The following GUCY1A2 variants were observed in gnomAD, a reference collection of about 807,000 sequenced individuals.
The protein encoded by GUCY1A2 is guanylate cyclase 1 soluble subunit alpha 2, also known as guanylate cyclase soluble subunit alpha-2.
In GUCY1A2, 27 loss-of-function variants were observed where a neutral mutation model predicts 63.5. That is an observed-to-expected ratio of 0.43 (90% CI 0.31 to 0.59). The LOEUF (loss-of-function observed/expected upper bound fraction) is 0.59. Ranked by LOEUF, GUCY1A2 falls within the 20% of genes least tolerant of loss-of-function variation. The probability of loss-of-function intolerance (pLI) is 0.11; values close to 1 mark genes in which losing one functional copy is unlikely to be tolerated. For missense variants in GUCY1A2, 768 were observed against 913.3 expected (o/e 0.84, Z 2.05); for synonymous variants, 364 against 343.5 (o/e 1.06, Z -0.66).
intron 5 of GUCY1A2, among the ~76,000 whole-genome samples, chr11:106,781,024 G>C (rs1027948820): frequency 2.8e-5 from 4 of 144,956 alleles, no homozygotes. Flanking sequence ...CAGGAAAAGT[G>C]AAAGTGTCAT....
Position 107,017,733 on chromosome 11 carries a change from C to A in GUCY1A2, c.303+20G>T. 1 of 1,353,222 alleles carries A rather than the reference C, an allele frequency of 7.4e-7. No individual in the cohort carries two copies. The highest frequency in any genetic ancestry group is 1.7e-5 in the South Asian group (1 of 58,908). The allele number at this position is 1,353,222 out of a possible 1,614,324, so 83.8% of individuals were successfully genotyped here. ...CGTTCTCTCCCCCGAAGGCGGTCCC[C>A]CCTTCCGCCCCCCGCTCACCGAGGG... On this transcript the variant is annotated intron_variant, in intron 1 of 7. Coordinates refer to ENST00000526355, the MANE Select transcript of GUCY1A2 (RefSeq NM_000855.3).
chr11:106,821,462 C>A (rs536184926), intron 4 of GUCY1A2, among the ~76,000 whole-genome samples: 2 of 152,264 alleles, frequency 1.3e-5, no homozygotes, highest in Admixed American at 1.3e-4. Context: ...TTAGCCTGAA[C>A]CCCTGGGGTG....
chr11:106,805,699 G>A (rs907205839), intron 5 of GUCY1A2, among the ~76,000 whole-genome samples: 4 of 152,178 alleles, frequency 2.6e-5, no homozygotes, highest in African/African-American at 9.6e-5. Context: ...CTTTCCATAG[G>A]AGGAATGAAG....
chr11:106,777,560 C>T (rs915920186), intron 5 of GUCY1A2, among the ~76,000 whole-genome samples: 19 of 151,380 alleles, frequency 1.3e-4, no homozygotes, highest in African/African-American at 4.6e-4. Context: ...AGCCATTGTT[C>T]TCAGCAAACT....
intron 7 of GUCY1A2, among the ~76,000 whole-genome samples, chr11:106,700,106 C>A (rs2135342888): frequency 6.6e-6 from 1 of 152,228 alleles, no homozygotes; most frequent in East Asian, 1.9e-4. Flanking sequence ...AAACAACCAA[C>A]CACTTTTGCA....
At position 106,682,166 on chromosome 11, in the gene GUCY1A2, A is replaced by G. The variant is rs1862443438; in HGVS notation, c.*5383T>C. ...TAAGTTTGAAGATTCATGCTCAGAAAGAAGACCACAAATTGGAAATCAAAG... is the reference window on the plus strand; with the variant it reads ...TAAGTTTGAAGATTCATGCTCAGAAGGAAGACCACAAATTGGAAATCAAAG... On this transcript the variant is annotated 3_prime_UTR_variant, in exon 8 of 8. Transcript: ENST00000526355. 2 of 210,776 alleles carry G rather than the reference A, an allele frequency of 9.5e-6. No individual in the cohort carries two copies. Among genetic ancestry groups the G allele is most frequent in the African/African-American group, 4.6e-5 (2 of 43,248 alleles). 13.1% of individuals were successfully genotyped at this position (210,776 alleles called of 1,614,324 possible).
chr11:106,770,426 T>C (rs944755619), intron 6 of GUCY1A2, among the ~76,000 whole-genome samples: 1 of 152,178 alleles, frequency 6.6e-6, no homozygotes, highest in Non-Finnish European at 1.5e-5. Flanking sequence ...CTCATGGATA[T>C]GGAGTGCCAA....
chr11:106,896,982 TAATAA>T (rs1383773351), intron 4 of GUCY1A2, among the ~76,000 whole-genome samples: 5 of 152,158 alleles, frequency 3.3e-5, no homozygotes, highest in African/African-American at 1.2e-4. Context: ...TTCCTGAGAC[TAATAA>T]AATGATTATA....
intron 6 of GUCY1A2, among the ~76,000 whole-genome samples, chr11:106,766,423 T>C (rs1864163770): frequency 6.6e-6 from 1 of 152,116 alleles, no homozygotes. Context: ...TTTCTATGTG[T>C]TTGTATTGAA....
chr11:106,788,292 CTT>C (rs1864600715), intron 5 of GUCY1A2, among the ~76,000 whole-genome samples: 1 of 151,520 alleles, frequency 6.6e-6, no homozygotes, highest in Non-Finnish European at 1.5e-5. Flanking sequence ...TTATTAATCT[CTT>C]GTTAGATGGG....
At chr11:106,897,788 T>C (rs1216340903) in intron 4 of GUCY1A2, among the ~76,000 whole-genome samples, 1 of 151,822 alleles carries the variant, frequency 6.6e-6, no homozygotes, top group Non-Finnish European at 1.5e-5. Context: ...ATAGAACAAC[T>C]TGAGTTTGGC....
At chr11:106,769,713 T>G (rs1485324555) in intron 6 of GUCY1A2, among the ~76,000 whole-genome samples, 1 of 152,150 alleles carries the variant, frequency 6.6e-6, no homozygotes, top group East Asian at 1.9e-4. Flanking sequence ...AAACTGCCAC[T>G]ATATGCATTA....
At chr11:106,841,558 G>T (rs2220372) in intron 4 of GUCY1A2, among the ~76,000 whole-genome samples, 2 of 151,584 alleles carry the variant, frequency 1.3e-5, no homozygotes, top group African/African-American at 4.8e-5. Flanking sequence ...CATATTTGAT[G>T]TTTTTGCCCT....
chr11:106,970,668 C>CT (rs1861182002), intron 3 of GUCY1A2, among the ~76,000 whole-genome samples: 1 of 152,156 alleles, frequency 6.6e-6, no homozygotes, highest in Non-Finnish European at 1.5e-5. Context: ...TTGTAAGACA[C>CT]TTTGACAGTT....
intron 6 of GUCY1A2, among the ~76,000 whole-genome samples, chr11:106,722,924 G>C (rs1158000253): frequency 6.6e-6 from 1 of 151,966 alleles, no homozygotes; most frequent in Non-Finnish European, 1.5e-5. Context: ...GTGAAATTCA[G>C]AATAAGAAAT....
intron 6 of GUCY1A2, among the ~76,000 whole-genome samples, chr11:106,748,750 C>A (rs1863833394): frequency 6.6e-6 from 1 of 151,880 alleles, no homozygotes; most frequent in African/African-American, 2.4e-5. Context: ...TAATATTTAC[C>A]TTCTTAGGTA....
intron 4 of GUCY1A2, among the ~76,000 whole-genome samples, chr11:106,833,789 G>A (rs1859082599): frequency 6.6e-6 from 1 of 151,914 alleles, no homozygotes; most frequent in African/African-American, 2.4e-5. Context: ...TTTTTAATGA[G>A]TCAATTCTCT....
At chr11:106,971,199 C>T (rs1286332116) in intron 3 of GUCY1A2, among the ~76,000 whole-genome samples, 2 of 143,948 alleles carry the variant, frequency 1.4e-5, no homozygotes, top group African/African-American at 5.3e-5. Flanking sequence ...AAGAGCTAAA[C>T]TTACTGTATA....
intron 6 of GUCY1A2, among the ~76,000 whole-genome samples, chr11:106,710,276 G>T (rs1268232996): frequency 0.21 from 24 of 112 alleles, 5 homozygotes; most frequent in Admixed American, 0.5. Flanking sequence ...ATATAATATA[G>T]TTATATATAT....
Sources: gnomAD v4.1 joint callset for allele counts (sites outside exome capture counted in the v4.1 genomes callset) on GRCh38, gnomAD v4.1.1 for gene constraint, MANE v1.5 for transcripts, NCBI Gene and HGNC (gene_info 2026-07-23, HGNC 2026-07-21) for gene names.